OPCML: variants seen among roughly 807,000 people sequenced by gnomAD.
The protein encoded by OPCML is opioid binding protein/cell adhesion molecule like, also known as opioid-binding protein/cell adhesion molecule.
In OPCML, 13 loss-of-function variants were observed where a neutral mutation model predicts 37.8. The ratio of observed to expected loss-of-function variants is 0.34; its 90% CI spans 0.22 to 0.55. The LOEUF (loss-of-function observed/expected upper bound fraction) is 0.55. OPCML is among the 20% of genes least tolerant of loss of function. OPCML has a pLI of 0.91. For missense variants in OPCML, 341 were observed against 435.6 expected, an observed-to-expected ratio of 0.78 and a Z score of 1.93; for synonymous variants, 176 against 168.8, an observed-to-expected ratio of 1.04 and a Z score of -0.33.
At chr11:133,055,539 C>T (rs112619055) in intron 1 of OPCML, among the ~76,000 whole-genome samples, 10 of 140,982 alleles carry the variant, frequency 7.1e-5, no homozygotes, top group East Asian at 4.5e-4. Context: ...ACGCCTCTAC[C>T]GTATAATGCT....
chr11:133,021,109 A>G (rs753845582), intron 1 of OPCML, among the ~76,000 whole-genome samples: 10 of 152,186 alleles, frequency 6.6e-5, no homozygotes, highest in Non-Finnish European at 1.0e-4. Context: ...ACATTTATCA[A>G]GCATTCCCAT....
intron 4 of OPCML, among the ~76,000 whole-genome samples, chr11:132,519,305 G>A (rs2137234693): frequency 6.6e-6 from 1 of 152,244 alleles, no homozygotes; most frequent in African/African-American, 2.4e-5. Context: ...CTACATTTCT[G>A]AGACTTCCAG....
chr11:132,570,694 G>A (rs2096435074), intron 3 of OPCML, among the ~76,000 whole-genome samples: 1 of 141,864 alleles, frequency 7.0e-6, no homozygotes, highest in Non-Finnish European at 1.5e-5. Flanking sequence ...TTATACATAT[G>A]TGTGCATGAA....
chr11:133,382,367 T>A (rs1056404753), intron 1 of OPCML, among the ~76,000 whole-genome samples: 1 of 152,190 alleles, frequency 6.6e-6, no homozygotes, highest in Non-Finnish European at 1.5e-5. Context: ...GCAGTAAGCA[T>A]GTTTGACCTC....
At chr11:133,079,126 C>T (rs1267233582) in intron 1 of OPCML, among the ~76,000 whole-genome samples, 1 of 152,102 alleles carries the variant, frequency 6.6e-6, no homozygotes, top group Non-Finnish European at 1.5e-5. Context: ...ATCTCCGGGC[C>T]CCTGGCTCTC....
intron 3 of OPCML, among the ~76,000 whole-genome samples, chr11:132,541,985 A>G (rs1047443808): frequency 2.9e-4 from 44 of 152,284 alleles, no homozygotes; most frequent in African/African-American, 1.0e-3. Flanking sequence ...TAGGAGGAAA[A>G]CCAAATGAGG....
Position 133,333,251 on chromosome 11 carries a change from G to A in OPCML, c.61+199013C>T, listed in dbSNP as rs563376494. Among the ~76,000 whole-genome samples, 15 of 152,174 alleles carry A rather than the reference G, an allele frequency of 9.9e-5. No homozygotes were observed. The East Asian group carries it at 2.9e-3, about 29-fold the overall frequency. On this transcript the variant is annotated intron_variant, in intron 1 of 7. Coordinates refer to ENST00000524381, the MANE Select transcript of OPCML (RefSeq NM_001012393.5). ...TTTTTGTATTTTTAGTAGAGACTGG[G>A]TTTCACCATGTTGCCCAGGCTGGTC...
rs989807494 is a variant in OPCML, at chr11:133,457,169, CA to C, written c.61+75094del. ...GACAGACTATAAGTGGATTTCTCAG[CA>C]AAAAAACTTACAGGCCAGAGAAAAT... On this transcript the variant is annotated intron_variant, in intron 1 of 7. Transcript: ENST00000524381. Among the ~76,000 whole-genome samples, 7 of 152,068 alleles carry C rather than the reference CA, an allele frequency of 4.6e-5. No individual in the cohort carries two copies. In the South Asian group the frequency reaches 8.3e-4, roughly 18 times the overall value.
At chr11:133,150,344 T>C (rs1949960307) in intron 1 of OPCML, among the ~76,000 whole-genome samples, 1 of 152,234 alleles carries the variant, frequency 6.6e-6, no homozygotes, top group Non-Finnish European at 1.5e-5. Context: ...CGTCTTCATT[T>C]TGCAGATGAA....
chr11:132,438,033 C>A (rs1430188305), intron 4 of OPCML, among the ~76,000 whole-genome samples: 1 of 152,208 alleles, frequency 6.6e-6, no homozygotes, highest in Non-Finnish European at 1.5e-5. Context: ...GCCAGAATAG[C>A]CTAGTGGATT....
intron 1 of OPCML, among the ~76,000 whole-genome samples, chr11:133,265,491 A>G (rs1423875562): frequency 6.6e-6 from 1 of 152,186 alleles, no homozygotes; most frequent in Non-Finnish European, 1.5e-5. Context: ...ATCAGGAGAG[A>G]GGAATGGATA....
chr11:133,456,712 A>C lies in OPCML; in HGVS notation c.61+75552T>G, dbSNP rs142115183. On this transcript the variant is annotated intron_variant, in intron 1 of 7. Coordinates refer to ENST00000524381, the MANE Select transcript of OPCML (RefSeq NM_001012393.5). ...ATATGAACAAAATAATAATATCAAC[A>C]AAGAGACAAAAATTATACTTTAAAA... Among the ~76,000 whole-genome samples the C allele has an allele frequency of 5.0e-3, 757 of 152,138 alleles. 8 individuals are homozygous for C. Among genetic ancestry groups the C allele is most frequent in the African/African-American group, 0.017 (703 of 41,504 alleles).
chr11:132,947,837 G>C (rs1185862609), intron 1 of OPCML, among the ~76,000 whole-genome samples: 3 of 152,168 alleles, frequency 2.0e-5, no homozygotes, highest in Non-Finnish European at 4.4e-5. Context: ...CTTGAGACCA[G>C]AAGTGTTTCA....
At chr11:132,794,894 A>G (rs895828006) in intron 2 of OPCML, among the ~76,000 whole-genome samples, 1 of 110,904 alleles carries the variant, frequency 9.0e-6, no homozygotes, top group Admixed American at 9.2e-5. Context: ...TGAAAATATC[A>G]TGAGTAAAAA....
intron 2 of OPCML, among the ~76,000 whole-genome samples, chr11:132,799,342 T>A (rs1305475059): frequency 1.3e-5 from 2 of 152,190 alleles, no homozygotes; most frequent in Admixed American, 1.3e-4. Context: ...GTTTCTTTCC[T>A]TAAATCTCAT....
intron 1 of OPCML, among the ~76,000 whole-genome samples, chr11:133,181,867 C>T (rs981081715): frequency 1.3e-5 from 2 of 152,148 alleles, no homozygotes; most frequent in East Asian, 1.9e-4. Context: ...AAGGCAGCCC[C>T]GATGCTGAGT....
At chr11:133,370,782 A>T (rs1944658321) in intron 1 of OPCML, among the ~76,000 whole-genome samples, 1 of 152,152 alleles carries the variant, frequency 6.6e-6, no homozygotes, top group South Asian at 2.1e-4. Context: ...TGAGACTAAA[A>T]CCTCAAATCA....
chr11:133,239,002 G>C (rs761550741), intron 1 of OPCML, among the ~76,000 whole-genome samples: 1 of 152,156 alleles, frequency 6.6e-6, no homozygotes, highest in Non-Finnish European at 1.5e-5. Flanking sequence ...AGGCAGCCTG[G>C]GTGGGGACAG....
intron 1 of OPCML, among the ~76,000 whole-genome samples, chr11:133,307,862 A>T (rs934063138): frequency 8.8e-5 from 12 of 136,686 alleles, no homozygotes; most frequent in Admixed American, 2.2e-4. Flanking sequence ...TTTTTTTTTT[A>T]AATTTTACCT....
Sources: allele counts gnomAD v4.1 joint callset (sites outside exome capture counted in the v4.1 genomes callset), GRCh38; gene constraint gnomAD v4.1.1; transcripts MANE v1.5; gene names NCBI Gene and HGNC (gene_info 2026-07-23, HGNC 2026-07-21).